DLGAP1: variants seen among roughly 807,000 people sequenced by gnomAD.
DLGAP1 encodes disks large-associated protein 1.
DLGAP1 carries 11 observed loss-of-function variants against 90.8 expected under a neutral mutation model. The ratio of observed to expected loss-of-function variants is 0.12; its 90% CI spans 0.08 to 0.20. The LOEUF is 0.20. Among genes scored for constraint, DLGAP1 ranks in the 10% least tolerant of loss-of-function variants. The pLI, the probability that DLGAP1 is intolerant of heterozygous loss-of-function variation, is 1.00. For missense variants in DLGAP1, 1,050 were observed against 1,333.8 expected (o/e 0.79, Z 3.31); for synonymous variants, 558 against 540.7 (o/e 1.03, Z -0.44).
At chr18:3,788,295 G>C (rs545654298) in intron 5 of DLGAP1, among the ~76,000 whole-genome samples, 1 of 152,190 alleles carries the variant, frequency 6.6e-6, no homozygotes, top group African/African-American at 2.4e-5. Context: ...AGAAAGATAG[G>C]GAGGAAACTT....
chr18:3,997,738 T>G (rs1380381197), intron 3 of DLGAP1, among the ~76,000 whole-genome samples: 2 of 152,114 alleles, frequency 1.3e-5, no homozygotes, highest in Non-Finnish European at 2.9e-5. Context: ...TAATTTTATT[T>G]AACCCAATAT....
intron 3 of DLGAP1, among the ~76,000 whole-genome samples, chr18:3,952,232 G>T (rs534716608): frequency 2.0e-5 from 3 of 152,230 alleles, no homozygotes; most frequent in African/African-American, 7.2e-5. Context: ...CCCTCCTGAG[G>T]GATGATTTTT....
chr18:4,306,033 T>TACAC (rs3041181), intron 1 of DLGAP1, among the ~76,000 whole-genome samples: 4,671 of 142,098 alleles, frequency 0.033, 229 homozygotes, highest in African/African-American at 0.11. Context: ...CACACACAAA[T>TACAC]ACACACACAC....
chr18:3,889,142 C>A (rs2071397780), intron 3 of DLGAP1, among the ~76,000 whole-genome samples: 1 of 152,076 alleles, frequency 6.6e-6, no homozygotes, highest in Non-Finnish European at 1.5e-5. Flanking sequence ...AACTTGCAAA[C>A]TACTGATGAA....
intron 4 of DLGAP1, among the ~76,000 whole-genome samples, chr18:3,824,468 A>G (rs1406958581): frequency 6.6e-6 from 1 of 152,212 alleles, no homozygotes; most frequent in Non-Finnish European, 1.5e-5. Flanking sequence ...AAATCTGATA[A>G]TGTTATTATT....
At chr18:4,224,067 A>G (rs2078135417) in intron 1 of DLGAP1, among the ~76,000 whole-genome samples, 1 of 152,220 alleles carries the variant, frequency 6.6e-6, no homozygotes, top group Admixed American at 6.5e-5. Context: ...CCTGGTTGAC[A>G]TTTCTAGACA....
At chr18:4,309,219 G>A (rs1169195401) in intron 1 of DLGAP1, among the ~76,000 whole-genome samples, 1 of 152,094 alleles carries the variant, frequency 6.6e-6, no homozygotes, top group East Asian at 1.9e-4. Context: ...TGTGCTTTGG[G>A]GTTCAAGGAT....
At chr18:4,041,823 C>A (rs188211591) in intron 2 of DLGAP1, among the ~76,000 whole-genome samples, 1 of 152,228 alleles carries the variant, frequency 6.6e-6, no homozygotes, top group Non-Finnish European at 1.5e-5. Flanking sequence ...ACAATAAATT[C>A]TTAACATATT....
intron 4 of DLGAP1, among the ~76,000 whole-genome samples, chr18:3,876,553 C>T (rs1318906487): frequency 6.6e-6 from 1 of 152,104 alleles, no homozygotes; most frequent in Non-Finnish European, 1.5e-5. Context: ...TTCAACCTTT[C>T]AATAATTTCA....
chr18:3,853,458 G>A (rs1306247719), intron 4 of DLGAP1, among the ~76,000 whole-genome samples: 1 of 151,808 alleles, frequency 6.6e-6, no homozygotes, highest in African/African-American at 2.4e-5. Flanking sequence ...TTATCATTGT[G>A]TTATAATTGC....
At chr18:3,594,448 C>G (rs2056463955) in intron 7 of DLGAP1, 1 of 149,368 alleles carries the variant, frequency 6.7e-6, no homozygotes, top group Non-Finnish European at 1.5e-5. Flanking sequence ...CCTGGAACAT[C>G]ACATCTGTAC....
chr18:4,206,798 A>C (rs1435799869), intron 1 of DLGAP1, among the ~76,000 whole-genome samples: 1 of 152,194 alleles, frequency 6.6e-6, no homozygotes, highest in East Asian at 1.9e-4. Flanking sequence ...CTTGTTTCAC[A>C]GAAAGCCATC....
intron 4 of DLGAP1, among the ~76,000 whole-genome samples, chr18:3,851,947 A>G (rs1568238642): frequency 6.6e-6 from 1 of 152,110 alleles, no homozygotes; most frequent in Non-Finnish European, 1.5e-5. Context: ...AAGGAAAGGA[A>G]GGTAAAGGAA....
intron 1 of DLGAP1, among the ~76,000 whole-genome samples, chr18:4,219,027 GTTTTTTTTTTT>G (rs34333673): frequency 2.2e-5 from 2 of 92,014 alleles, no homozygotes; most frequent in African/African-American, 8.8e-5. Context: ...TTCTATCTTT[GTTTTTTTTTTT>G]TTTTTTTTTT....
chr18:4,439,840 C>T (rs564522855), intron 1 of DLGAP1, among the ~76,000 whole-genome samples: 12 of 151,226 alleles, frequency 7.9e-5, no homozygotes, highest in East Asian at 2.0e-4. Context: ...AAAAAATGGC[C>T]GGGCGCAGTG....
intron 3 of DLGAP1, among the ~76,000 whole-genome samples, chr18:3,903,222 TGC>T (rs1233681717): frequency 6.6e-6 from 1 of 152,148 alleles, no homozygotes; most frequent in African/African-American, 2.4e-5. Flanking sequence ...ATCAATGACC[TGC>T]TTACAGATGC....
intron 2 of DLGAP1, among the ~76,000 whole-genome samples, chr18:4,062,073 T>C (rs74253821): frequency 0.087 from 13,293 of 152,220 alleles, 700 homozygotes; most frequent in East Asian, 0.17. Context: ...TGTGTGACTT[T>C]TTGTTTAAAA....
At chr18:3,751,897 TTAA>T (rs531069908) in intron 5 of DLGAP1, among the ~76,000 whole-genome samples, 2,705 of 145,236 alleles carry the variant, frequency 0.019, 96 homozygotes, top group African/African-American at 0.067. Flanking sequence ...TTTTTTTTTT[TTAA>T]TGAGATGCAG....
chr18:3,816,468 G>C (rs1421478715), intron 4 of DLGAP1, among the ~76,000 whole-genome samples: 1 of 152,146 alleles, frequency 6.6e-6, no homozygotes, highest in African/African-American at 2.4e-5. Flanking sequence ...TTAGATCTAA[G>C]AACTTCAGAT....
Sources: gnomAD v4.1 joint callset for allele counts (sites outside exome capture counted in the v4.1 genomes callset) on GRCh38, gnomAD v4.1.1 for gene constraint, MANE v1.5 for transcripts, NCBI Gene and HGNC (gene_info 2026-07-23, HGNC 2026-07-21) for gene names.